PDGFA: variants seen among roughly 807,000 people sequenced by gnomAD.
PDGFA encodes platelet-derived growth factor subunit A.
In PDGFA, 9 loss-of-function variants were observed where a neutral mutation model predicts 25.6. That is an observed-to-expected ratio of 0.35 (90% CI 0.21 to 0.61). The LOEUF (loss-of-function observed/expected upper bound fraction) is 0.61. Among genes scored for constraint, PDGFA ranks in the 20% least tolerant of loss-of-function variants. The pLI is 0.75. For missense variants in PDGFA, 242 were observed against 272.8 expected (o/e 0.89, Z 0.79); for synonymous variants, 133 against 111.8 (o/e 1.19, Z -1.20).
Position 500,416 on chromosome 7 carries a change from G to C in PDGFA, c.580+700C>G, listed in dbSNP as rs371452325. On this transcript the variant is annotated intron_variant, in intron 5 of 5. Transcript: ENST00000402802. This position sits in a 1 kb window ranked among gnomAD's most constrained non-coding sequence, Gnocchi z 5.0. ...CCGCCCTGCAGGACTCAGTGTGTCCGGCAGACAGTCCTACCTGGTTGGCTG... is the reference window on the plus strand; with the variant it reads ...CCGCCCTGCAGGACTCAGTGTGTCCCGCAGACAGTCCTACCTGGTTGGCTG... 133 of 1,612,312 alleles carry C rather than the reference G, an allele frequency of 8.2e-5. No individual in the cohort carries two copies. Among genetic ancestry groups the C allele is most frequent in the Middle Eastern group, 4.9e-4 (3 of 6,074 alleles).
Position 498,682 on chromosome 7 carries a change from CAG to C in PDGFA, c.581-110_581-109del, listed in dbSNP as rs1303146129. On this transcript the variant is annotated intron_variant, in intron 5 of 5. Transcript: ENST00000402802. Reference sequence around the variant, plus strand: ...ACAGGGTGAAAACATTTAACCCAATCAGGGGCACACAGGGATTTCAAGTTTTC... The same window carrying C: ...ACAGGGTGAAAACATTTAACCCAATCGGGCACACAGGGATTTCAAGTTTTC... The C allele has an allele frequency of 1.9e-5, 18 of 970,470 alleles. No homozygotes were observed. In the East Asian group the frequency reaches 4.7e-4, roughly 25 times the overall value. 60.1% of individuals were successfully genotyped at this position (970,470 alleles called of 1,614,324 possible).
At chr7:515,243 C>G (rs1236532897) in intron 2 of PDGFA, among the ~76,000 whole-genome samples, 2 of 152,194 alleles carry the variant, frequency 1.3e-5, no homozygotes, top group African/African-American at 2.4e-5. Flanking sequence ...CACCCAGCCC[C>G]TTCCTCATGA....
At chr7:506,074 G>A (rs1782551356) in intron 4 of PDGFA, among the ~76,000 whole-genome samples, 1 of 151,520 alleles carries the variant, frequency 6.6e-6, no homozygotes, top group Admixed American at 6.6e-5. Flanking sequence ...TACTCGAGAG[G>A]CTAAGGCAGA....
intron 2 of PDGFA, among the ~76,000 whole-genome samples, chr7:515,889 C>T (rs1783066768): frequency 6.6e-6 from 1 of 152,114 alleles, no homozygotes; most frequent in African/African-American, 2.4e-5. Flanking sequence ...GGCGCCAAGA[C>T]CAGAATAAGA....
At chr7:504,064 C>T (rs1163777866) in intron 4 of PDGFA, among the ~76,000 whole-genome samples, 1 of 152,160 alleles carries the variant, frequency 6.6e-6, no homozygotes, top group Non-Finnish European at 1.5e-5. Context: ...AAACGGAGAC[C>T]AATCACACCC....
At chr7:511,029 G>T in intron 3 of PDGFA, 33 bp from the exon 4 acceptor site, 1 of 1,577,544 alleles carries the variant, frequency 6.3e-7, no homozygotes, top group Non-Finnish European at 8.7e-7. Flanking sequence ...AGCGGGGACC[G>T]GCCTCTGCGA....
At chr7:508,534 T>C (rs138273917) in intron 4 of PDGFA, among the ~76,000 whole-genome samples, 10,096 of 117,834 alleles carry the variant, frequency 0.086, 429 homozygotes, top group Middle Eastern at 0.19. Flanking sequence ...CACTCCAGCC[T>C]GGGCAACAGA....
chr7:501,251 G>T lies in PDGFA; in HGVS notation c.454-9C>A. ...TATTCCACCTTGGCCACCTGCCAGAGAGAACAGAGCCCGGCCATGAATGCC... is the reference window on the plus strand; with the variant it reads ...TATTCCACCTTGGCCACCTGCCAGATAGAACAGAGCCCGGCCATGAATGCC... On this transcript the variant is annotated splice_polypyrimidine_tract_variant and intron_variant, in intron 4 of 5. Transcript: ENST00000402802. 1.2e-6 allele frequency: 2 copies of T among 1,613,944 alleles called. No individual in the cohort carries two copies. The highest frequency in any genetic ancestry group is 1.1e-5 in the South Asian group (1 of 91,088).
At chr7:512,781 C>T (rs1219408933) in intron 2 of PDGFA, 3 of 724,188 alleles carry the variant, frequency 4.1e-6, no homozygotes, top group Admixed American at 7.2e-5. Context: ...GGTGCCTCCT[C>T]CAAGGTAGCC....
At position 505,339 on chromosome 7, in the gene PDGFA, C is replaced by T. The variant is rs555174003; in HGVS notation, c.454-4097G>A. On this transcript the variant is annotated intron_variant, in intron 4 of 5. Coordinates refer to ENST00000402802, the Ensembl canonical transcript of PDGFA. ...TCACACCAGACATTCCGATTCCCCA[C>T]GGCTGAGTTCATCTGCGTCGTAAGC... is the stretch of plus-strand genomic sequence containing the variant. 6.6e-5 allele frequency among the ~76,000 whole-genome samples: 10 copies of T among 152,332 alleles called. No individual in the cohort carries two copies. The South Asian group carries it at 1.2e-3, about 19-fold the overall frequency.
chr7:511,840 G>A (rs376449289), intron 3 of PDGFA, among the ~76,000 whole-genome samples: 52 of 152,192 alleles, frequency 3.4e-4, no homozygotes, highest in Admixed American at 6.5e-4. Context: ...AAATGGACGC[G>A]GGGGTGGAGC....
intron 1 of PDGFA, 89 bp downstream of exon 1, chr7:518,850 G>T (rs1009049343): frequency 1.6e-5 from 13 of 801,870 alleles, no homozygotes; most frequent in Non-Finnish European, 2.4e-5. Context: ...GAACCAAAAC[G>T]CTCTCTGCAG....
intron 4 of PDGFA, 33 bp downstream of exon 4, chr7:510,776 G>T (rs1265270370): frequency 1.3e-6 from 1 of 746,142 alleles, no homozygotes; most frequent in East Asian, 3.9e-5. Context: ...GAGGAGGGGA[G>T]GGGAGGGGAG....
chr7:511,029 G>GGCCT, intron 3 of PDGFA, 33 bp from the exon 4 acceptor site: 1 of 1,577,550 alleles, frequency 6.3e-7, no homozygotes, highest in South Asian at 1.1e-5. Context: ...AGCGGGGACC[G>GGCCT]GCCTCTGCGA....
intron 4 of PDGFA, among the ~76,000 whole-genome samples, chr7:507,578 G>A (rs1782614749): frequency 6.6e-6 from 1 of 152,198 alleles, no homozygotes; most frequent in Non-Finnish European, 1.5e-5. Context: ...GGCAGGGGCT[G>A]CACAAGGCTG....
chr7:516,678 C>G (rs1241102027), intron 2 of PDGFA, among the ~76,000 whole-genome samples: 1 of 152,126 alleles, frequency 6.6e-6, no homozygotes, highest in East Asian at 1.9e-4. Context: ...CGTGGTCCAC[C>G]GGGGTCCCCC....
At chr7:518,793 A>C (rs1783225607) in intron 1 of PDGFA, 146 bp downstream of exon 1, 1 of 530,878 alleles carries the variant, frequency 1.9e-6, no homozygotes, top group Non-Finnish European at 3.3e-6. Flanking sequence ...GGCATGGCAG[A>C]AAATAGAACC....
At chr7:514,057 G>A (rs375056997) in intron 2 of PDGFA, among the ~76,000 whole-genome samples, 1 of 152,162 alleles carries the variant, frequency 6.6e-6, no homozygotes, top group Non-Finnish European at 1.5e-5. Context: ...AAAGAGTAAC[G>A]GGTCCGTTCT....
At chr7:508,590 T>C (rs12720027) in intron 4 of PDGFA, among the ~76,000 whole-genome samples, 126,966 of 130,952 alleles carry the variant, frequency 0.97, 61,554 homozygotes, top group East Asian at 0.99. Flanking sequence ...AAAAAAAAAT[T>C]CTCAGCTGAG....
Sources: allele counts gnomAD v4.1 joint callset (sites outside exome capture counted in the v4.1 genomes callset), GRCh38; gene constraint gnomAD v4.1.1; non-coding constraint Gnocchi (gnomAD v3.1); transcripts MANE v1.5; gene names NCBI Gene and HGNC (gene_info 2026-07-23, HGNC 2026-07-21).